The following FSCN1 variants were observed in gnomAD, a reference collection of about 807,000 sequenced individuals.
The protein encoded by FSCN1 is fascin actin-bundling protein 1.
Under a neutral mutation model 39.7 loss-of-function variants are expected in FSCN1, and 10 were observed. The ratio of observed to expected loss-of-function variants is 0.25; its 90% confidence interval spans 0.16 to 0.43. The LOEUF is 0.43. Ranked by LOEUF, FSCN1 falls within the 20% of genes least tolerant of loss-of-function variation. The pLI, the probability that FSCN1 is intolerant of heterozygous loss-of-function variation, is 1.00. For synonymous variants in FSCN1, 322 were observed against 320.0 expected, an observed-to-expected ratio of 1.01 and a Z score of -0.07; for missense variants, 525 against 723.8, an observed-to-expected ratio of 0.73 and a Z score of 3.15.
In FSCN1 at chr7:5,593,421, A is replaced by G. The variant is rs1785669243; in HGVS notation, c.485A>G (p.Glu162Gly). The change falls in exon 1 of 5, where the codon GAG becomes GGG. Residue 162 changes from glutamate (E) to glycine (G), a missense_variant. Physicochemically the swap from Glu to Gly is moderately conservative, Grantham distance 98. Coordinates refer to ENST00000382361, the MANE Select transcript of FSCN1 (RefSeq NM_003088.4). ...YAHLSARPAD[E>G]IAVDRDVPWG... ...CACCTGAGCGCGCGGCCGGCCGACG[A>G]GATCGCCGTGGACCGCGACGTGCCC... 6.2e-7 allele frequency: 1 copy of G among 1,611,994 alleles called. No homozygotes were observed. Among genetic ancestry groups the G allele is most frequent in the African/African-American group, 1.3e-5 (1 of 74,902 alleles).
In FSCN1 at chr7:5,599,711, C is replaced by T. The variant is rs1785793125; in HGVS notation, c.833-3546C>T. Among the ~76,000 whole-genome samples the T allele has an allele frequency of 6.6e-6, 1 of 152,058 alleles. No homozygotes were observed. The highest frequency in any genetic ancestry group is 1.5e-5 in the Non-Finnish European group (1 of 67,992). On this transcript the variant is annotated intron_variant, in intron 1 of 4. Coordinates refer to ENST00000382361, the MANE Select transcript of FSCN1 (RefSeq NM_003088.4). The surrounding 1 kb of genome is among the most constrained non-coding windows in gnomAD (Gnocchi z 5.6). ...GTCCCACCTACTGGGGAGACTGAGG[C>T]AAGAGGATCCTTTGAGCCCAGGAGG...
At chr7:5,600,138 G>C (rs1489091308) in intron 1 of FSCN1, among the ~76,000 whole-genome samples, 1 of 152,070 alleles carries the variant, frequency 6.6e-6, no homozygotes, top group African/African-American at 2.4e-5. Flanking sequence ...TGGGCTGGGC[G>C]CAGTGGCTCA....
At chr7:5,602,435 C>T (rs938143955) in intron 1 of FSCN1, among the ~76,000 whole-genome samples, 29 of 152,152 alleles carry the variant, frequency 1.9e-4, no homozygotes, top group African/African-American at 5.1e-4. Flanking sequence ...CCCCCAGACA[C>T]GGCCCCCCAA....
chr7:5,593,871 G>A, intron 1 of FSCN1, 103 bp downstream of exon 1: 1 of 829,330 alleles, frequency 1.2e-6, no homozygotes, highest in South Asian at 1.8e-5. Context: ...GCGCCGCTGC[G>A]GTCCGGAGCA....
intron 1 of FSCN1, chr7:5,594,122 G>A (rs930873202): frequency 7.3e-6 from 2 of 275,000 alleles, no homozygotes; most frequent in Non-Finnish European, 1.4e-5. Flanking sequence ...CTTGCGGAGT[G>A]GGAGCCCCTC....
rs184636693 is a variant in FSCN1, at chr7:5,600,875, C to T, written c.833-2382C>T. 2.6e-5 allele frequency among the ~76,000 whole-genome samples: 4 copies of T among 151,494 alleles called. No individual in the cohort carries two copies. The East Asian group carries it at 7.8e-4, about 30-fold the overall frequency. On this transcript the variant is annotated intron_variant, in intron 1 of 4. Coordinates refer to ENST00000382361, the MANE Select transcript of FSCN1 (RefSeq NM_003088.4). The stretch of plus-strand genomic sequence containing the variant: ...GGGTTTCACCGTGTTAGGATGATCT[C>T]GATCTCCTGACCTCGTGATCCGCCT...
At chr7:5,594,689 C>A (rs1223481982) in intron 1 of FSCN1, 1 of 152,096 alleles carries the variant, frequency 6.6e-6, no homozygotes, top group Admixed American at 6.5e-5. Context: ...GCCCTCCAGG[C>A]ACCCCGCCCT....
In FSCN1 at chr7:5,592,819, G is replaced by A. The variant is rs1286079973; in HGVS notation, c.-118G>A. On this transcript the variant is annotated 5_prime_UTR_variant, in exon 1 of 5. Coordinates refer to ENST00000382361, the MANE Select transcript of FSCN1 (RefSeq NM_003088.4). The surrounding 1 kb of genome is among the most constrained non-coding windows in gnomAD (Gnocchi z 5.3). ...GGGGCGCCGCTAGCTGGGCTTTGTG[G>A]AGCGCTGCGGAGGGTGCGTGCGGGC... is the stretch of plus-strand genomic sequence containing the variant. The A allele has an allele frequency of 3.3e-6, 2 of 612,142 alleles. No individual in the cohort carries two copies. Among genetic ancestry groups the A allele is most frequent in the Non-Finnish European group, 5.5e-6 (2 of 360,968 alleles). The allele number at this position is 612,142 out of a possible 1,614,324, so 37.9% of individuals were successfully genotyped here. A position where few individuals can be genotyped will look rare whatever the true frequency, so the allele number is the denominator to read the frequency against.
chr7:5,600,097 A>C (rs1584301591), intron 1 of FSCN1, among the ~76,000 whole-genome samples: 1 of 152,174 alleles, frequency 6.6e-6, no homozygotes, highest in East Asian at 1.9e-4. Flanking sequence ...GTGGATATGC[A>C]AAGCAATGTA....
intron 1 of FSCN1, among the ~76,000 whole-genome samples, chr7:5,598,457 G>C (rs981404866): frequency 6.6e-6 from 1 of 152,210 alleles, no homozygotes; most frequent in Admixed American, 6.5e-5. Flanking sequence ...GCATTCACAC[G>C]TGGCCCCGTG....
rs1234816102 is a variant in FSCN1, at chr7:5,592,887, C to T, written c.-50C>T. The T allele has an allele frequency of 3.3e-6, 4 of 1,213,828 alleles. No homozygotes were observed. The highest frequency in any genetic ancestry group is 1.6e-5 in the African/African-American group (1 of 64,228). 75.2% of individuals were successfully genotyped at this position (1,213,828 alleles called of 1,614,324 possible). A position where few individuals can be genotyped will look rare whatever the true frequency, so the allele number is the denominator to read the frequency against. On this transcript the variant is annotated 5_prime_UTR_variant, in exon 1 of 5. Transcript: ENST00000382361. The surrounding 1 kb of genome is among the most constrained non-coding windows in gnomAD (Gnocchi z 5.3). ...GGAGCAGGGGCGCCGCCGCAGGGAC[C>T]CGCCACCCACCTCCCGGGGCCGCGC...
At position 5,592,863 on chromosome 7, in the gene FSCN1, G is replaced by T; in HGVS notation, c.-74G>T. ...TGCGGGCCGCGGCAGCCGAACAAAG[G>T]AGCAGGGGCGCCGCCGCAGGGACCC... On this transcript the variant is annotated 5_prime_UTR_variant, in exon 1 of 5. Transcript: ENST00000382361. This position sits in a 1 kb window ranked among gnomAD's most constrained non-coding sequence, Gnocchi z 5.3. The T allele has an allele frequency of 1.1e-6, 1 of 887,394 alleles. No individual in the cohort carries two copies. The highest frequency in any genetic ancestry group is 1.8e-5 in the South Asian group (1 of 55,962). 55.0% of individuals were successfully genotyped at this position (887,394 alleles called of 1,614,324 possible). A position where few individuals can be genotyped will look rare whatever the true frequency, so the allele number is the denominator to read the frequency against.
At chr7:5,594,692 C>G (rs1785699252) in intron 1 of FSCN1, 1 of 152,192 alleles carries the variant, frequency 6.6e-6, no homozygotes, top group South Asian at 2.1e-4. Context: ...CTCCAGGCAC[C>G]CCGCCCTTCG....
intron 1 of FSCN1, chr7:5,594,011 C>T (rs1318022736): frequency 5.6e-6 from 3 of 535,346 alleles, no homozygotes; most frequent in Non-Finnish European, 9.8e-6. Context: ...TCCCCTAGGC[C>T]CCGCGGAGTC....
intron 4 of FSCN1, 134 bp downstream of exon 4, chr7:5,604,164 A>G: frequency 1.3e-6 from 1 of 781,492 alleles, no homozygotes; most frequent in Non-Finnish European, 2.0e-6. Context: ...CTAAAGGGAC[A>G]GGTGTCTGAT....
intron 1 of FSCN1, chr7:5,602,988 G>A (rs1233987048): frequency 2.0e-5 from 10 of 512,026 alleles, no homozygotes; most frequent in South Asian, 4.5e-5. Flanking sequence ...GCGATCACAG[G>A]CATGAGCCCC....
intron 1 of FSCN1, among the ~76,000 whole-genome samples, chr7:5,596,395 G>A (rs1562745909): frequency 6.6e-6 from 1 of 152,246 alleles, no homozygotes; most frequent in Non-Finnish European, 1.5e-5. Context: ...CATCTGTAAA[G>A]TGTGCATTCC....
rs11557814 is a variant in FSCN1 at position 5,592,884 on chromosome 7, G to A, written c.-53G>A. 1.7e-6 allele frequency: 2 copies of A among 1,165,412 alleles called. No individual in the cohort carries two copies. Among genetic ancestry groups the A allele is most frequent in the Non-Finnish European group, 2.4e-6 (2 of 844,288 alleles). 72.2% of individuals were successfully genotyped at this position (1,165,412 alleles called of 1,614,324 possible). On this transcript the variant is annotated 5_prime_UTR_variant, in exon 1 of 5. Transcript: ENST00000382361. This position sits in a 1 kb window ranked among gnomAD's most constrained non-coding sequence, Gnocchi z 5.3. ...AAAGGAGCAGGGGCGCCGCCGCAGG[G>A]ACCCGCCACCCACCTCCCGGGGCCG... is the stretch of plus-strand genomic sequence containing the variant.
At chr7:5,595,149 A>G (rs1785708025) in intron 1 of FSCN1, among the ~76,000 whole-genome samples, 1 of 152,160 alleles carries the variant, frequency 6.6e-6, no homozygotes, top group South Asian at 2.1e-4. Context: ...TCTTGGAAGG[A>G]GCCCTCCTGA....
Sources: allele counts gnomAD v4.1 joint callset (sites outside exome capture counted in the v4.1 genomes callset), GRCh38; gene constraint gnomAD v4.1.1; non-coding constraint Gnocchi (gnomAD v3.1); transcripts MANE v1.5; gene names NCBI Gene and HGNC (gene_info 2026-07-23, HGNC 2026-07-21).